The following EPS8L1 variants were observed in gnomAD, a reference collection of about 807,000 sequenced individuals.
EPS8L1 encodes the protein epidermal growth factor receptor kinase substrate 8-like protein 1.
In EPS8L1, 101 loss-of-function variants were observed where a neutral mutation model predicts 91.7. That is an observed-to-expected ratio of 1.10 (90% CI 0.94 to 1.30). EPS8L1 has a LOEUF of 1.30. Among genes scored for constraint, EPS8L1 ranks in the 50% most tolerant of loss-of-function variants. EPS8L1 has a pLI of 0.00. For synonymous variants in EPS8L1, 506 were observed against 445.3 expected, an observed-to-expected ratio of 1.14 and a Z score of -1.72; for missense variants, 1,114 against 1,017.0, an observed-to-expected ratio of 1.10 and a Z score of -1.30.
At chr19:55,086,950 G>T in intron 18 of EPS8L1, 62 bp downstream of exon 18, 1 of 1,399,234 alleles carries the variant, frequency 7.1e-7, no homozygotes, top group Non-Finnish European at 9.2e-7. Context: ...GGAGCGTTCC[G>T]ATCGGCCGGG....
intron 2 of EPS8L1, among the ~76,000 whole-genome samples, chr19:55,077,655 C>A (rs531929996): frequency 6.8e-5 from 9 of 131,632 alleles, no homozygotes; most frequent in Non-Finnish European, 1.4e-4. Flanking sequence ...GTGGCACGAT[C>A]TGGACTCACT....
At chr19:55,076,517 C>T (rs1477381710) in intron 2 of EPS8L1, 56 bp downstream of exon 2, 1 of 1,587,532 alleles carries the variant, frequency 6.3e-7, no homozygotes, top group African/African-American at 1.3e-5. Flanking sequence ...CCTCCCCTCG[C>T]CTCCTCACCC....
chr19:55,087,874 T>A lies in EPS8L1; in HGVS notation c.*260T>A. 2.0e-6 allele frequency: 1 copy of A among 511,114 alleles called. No homozygotes were observed. 31.7% of individuals were successfully genotyped at this position (511,114 alleles called of 1,614,324 possible). The stretch of plus-strand genomic sequence containing the variant: ...CCCCCGAGAGGGTGCAGTGGAGCCC[T>A]GAGCATTGTAATATGCGGCCCAGCC... On this transcript the variant is annotated 3_prime_UTR_variant, in exon 20 of 20. Coordinates refer to ENST00000201647, the MANE Select transcript of EPS8L1 (RefSeq NM_133180.3).
At position 55,083,385 on chromosome 19, in the gene EPS8L1, C is replaced by T. The variant is rs138084286; in HGVS notation, c.1222C>T (p.Leu408=). 5.6e-6 allele frequency: 9 copies of T among 1,612,762 alleles called. No homozygotes were observed. The highest frequency in any genetic ancestry group is 7.6e-6 in the Non-Finnish European group (9 of 1,179,768). Residue 408 remains leucine (L), a synonymous_variant, in exon 13 of 20, where the codon CTG becomes TTG. Transcript: ENST00000201647. The surrounding 1 kb of genome is among the most constrained non-coding windows in gnomAD (Gnocchi z 4.7). ...CCCTGTCCCTGGCCGCAGGCTGGAGCTGTCCCCGGAGGAGGGACCCCCATA... is the reference window on the plus strand; with the variant it reads ...CCCTGTCCCTGGCCGCAGGCTGGAGTTGTCCCCGGAGGAGGGACCCCCATA... ...GDSWTRPGLE[L]SPEEGPPYRP...
In EPS8L1 at chr19:55,081,866, C is replaced by T. The variant is rs2076271754; in HGVS notation, c.868C>T (p.Arg290Cys). The T allele has an allele frequency of 6.2e-7, 1 of 1,608,832 alleles. No homozygotes were observed. The highest frequency in any genetic ancestry group is 8.5e-7 in the Non-Finnish European group (1 of 1,177,298). ...EAARVLEHRE[R>C]GRRSRRRAAG... Reference sequence around the variant, plus strand: ...GGCCAGGGTGCTGGAGCACCGGGAACGCGGCCGCAGGAGCCGGCGCCGGGC... The same window carrying T: ...GGCCAGGGTGCTGGAGCACCGGGAATGCGGCCGCAGGAGCCGGCGCCGGGC... The change falls in exon 9 of 20, where the codon CGC (arginine) becomes TGC (cysteine). Residue 290 changes from arginine (R) to cysteine (C), a missense_variant. Arg to Cys is a radical substitution (Grantham distance 180). Transcript: ENST00000201647. This position sits in a 1 kb window ranked among gnomAD's most constrained non-coding sequence, Gnocchi z 4.9.
At chr19:55,079,407 G>C (rs1408166165) in intron 4 of EPS8L1, among the ~76,000 whole-genome samples, 1 of 152,148 alleles carries the variant, frequency 6.6e-6, no homozygotes, top group Admixed American at 6.5e-5. Context: ...CATGGCAGGA[G>C]ACCCGAGGAG....
At position 55,081,573 on chromosome 19, in the gene EPS8L1, G is replaced by T; in HGVS notation, c.774+81G>T. The stretch of plus-strand genomic sequence containing the variant: ...AGGGCGTGGAAGGGCGGGGCCGGCT[G>T]CGGGACGGGCGTTCTCTGGTCAGAC... On this transcript the variant is annotated intron_variant, in intron 8 of 19. Coordinates refer to ENST00000201647, the MANE Select transcript of EPS8L1 (RefSeq NM_133180.3). This position sits in a 1 kb window ranked among gnomAD's most constrained non-coding sequence, Gnocchi z 4.9. The T allele has an allele frequency of 3.4e-6, 5 of 1,458,174 alleles. No homozygotes were observed. Among genetic ancestry groups the T allele is most frequent in the South Asian group, 1.4e-5 (1 of 70,706 alleles). 90.3% of individuals were successfully genotyped at this position (1,458,174 alleles called of 1,614,324 possible).
Position 55,079,226 on chromosome 19 carries a change from C to T in EPS8L1, c.117+169C>T, listed in dbSNP as rs1654474. On this transcript the variant is annotated intron_variant, in intron 4 of 19. Transcript: ENST00000201647. ...CCTCACCTCAGTCATGGATATGAAG[C>T]CAGGGGCCTCGGGTCCACTTAATCT... is the stretch of plus-strand genomic sequence containing the variant. 0.25 allele frequency among the ~76,000 whole-genome samples: 38,265 copies of T among 151,962 alleles called. 5,185 individuals are homozygous for T. The highest frequency in any genetic ancestry group is 0.33 in the African/African-American group (13,697 of 41,390).
rs1196824171 is a variant in EPS8L1, at chr19:55,086,698, G to A, written c.1778-16G>A. ...CCTGAGCCCGCACTCCCTACCTCCC[G>A]GTTTCCCGCCTGCAGAGAAATTCTC... On this transcript the variant is annotated splice_polypyrimidine_tract_variant and intron_variant, in intron 17 of 19. Transcript: ENST00000201647. The A allele has an allele frequency of 1.5e-6, 2 of 1,341,632 alleles. No individual in the cohort carries two copies. The highest frequency in any genetic ancestry group is 1.2e-5 in the South Asian group (1 of 86,188). The allele number at this position is 1,341,632 out of a possible 1,614,324, so 83.1% of individuals were successfully genotyped here.
In EPS8L1 at chr19:55,083,632, T is replaced by G. The variant is rs777278984; in HGVS notation, c.1373T>G (p.Val458Gly). ...TTCCTACAGCAAAGCGCCCCCCAGG[T>G]CGCTGTCAATGGGTGAGTGTCCGCC... ...RRRRQQSAPQ[V>G]AVNGHRDLEP... The change falls in exon 14 of 20, where the codon GTC becomes GGC. Residue 458 changes from valine (V) to glycine (G), a missense_variant. By Grantham distance (109) the Val-to-Gly change is moderately radical. Transcript: ENST00000201647. The surrounding 1 kb of genome is among the most constrained non-coding windows in gnomAD (Gnocchi z 4.7). 1.9e-6 allele frequency: 3 copies of G among 1,594,700 alleles called. No individual in the cohort carries two copies. The highest frequency in any genetic ancestry group is 1.1e-5 in the South Asian group (1 of 88,464).
rs762634045 is a variant in EPS8L1 at position 55,087,261 on chromosome 19, TCCGC to T, written c.1953-40_1953-37del. On this transcript the variant is annotated intron_variant, in intron 18 of 19. Coordinates refer to ENST00000201647, the MANE Select transcript of EPS8L1 (RefSeq NM_133180.3). ...TGACATGATTGTCCGGGCTGGGGCATCCGCCGACCGGCCTGACCGCGCCCGGGCT... is the reference window on the plus strand; with the variant it reads ...TGACATGATTGTCCGGGCTGGGGCATCGACCGGCCTGACCGCGCCCGGGCT... 1.2e-5 allele frequency: 18 copies of T among 1,556,850 alleles called. No homozygotes were observed. The African/African-American group carries it at 2.5e-4, about 21-fold the overall frequency.
At chr19:55,086,689 C>T in intron 17 of EPS8L1, 25 bp from the exon 18 acceptor site, 1 of 1,605,948 alleles carries the variant, frequency 6.2e-7, no homozygotes, top group Non-Finnish European at 8.5e-7. Flanking sequence ...CCCGCACTCC[C>T]TACCTCCCGG....
intron 5 of EPS8L1, 49 bp downstream of exon 5, chr19:55,079,900 G>A: frequency 1.3e-6 from 2 of 1,550,876 alleles, no homozygotes; most frequent in Non-Finnish European, 1.7e-6. Context: ...AGGGACTTCA[G>A]GGGGTCTGGG....
chr19:55,080,481 G>A (rs750090993), intron 6 of EPS8L1: 13 of 1,613,624 alleles, frequency 8.1e-6, no homozygotes, highest in South Asian at 2.2e-5. Context: ...GAACATGAAG[G>A]TGGGATGAGG....
rs1223384641 is a variant in EPS8L1, at chr19:55,083,302, T to C, written c.1215-76T>C. Reference sequence around the variant, plus strand: ...ATACAGCGAGCTTTAGGGGAAAACTTAGTGAAGTTAATGCAGGAACGAAGT... The same window carrying C: ...ATACAGCGAGCTTTAGGGGAAAACTCAGTGAAGTTAATGCAGGAACGAAGT... On this transcript the variant is annotated intron_variant, in intron 12 of 19. Transcript: ENST00000201647. The surrounding 1 kb of genome is among the most constrained non-coding windows in gnomAD (Gnocchi z 4.7). 6.4e-7 allele frequency: 1 copy of C among 1,553,948 alleles called. No individual in the cohort carries two copies. The highest frequency in any genetic ancestry group is 8.7e-7 in the Non-Finnish European group (1 of 1,146,692).
intron 19 of EPS8L1, 23 bp from the exon 20 acceptor site, chr19:55,087,505 G>A: frequency 1.2e-6 from 2 of 1,614,212 alleles, no homozygotes; most frequent in Non-Finnish European, 1.7e-6. Context: ...CCAGGACAAA[G>A]CGATTTCCAC....
intron 6 of EPS8L1, chr19:55,080,491 G>A: frequency 6.2e-7 from 1 of 1,613,774 alleles, no homozygotes; most frequent in Non-Finnish European, 8.5e-7. Context: ...GTGGGATGAG[G>A]ACATGAACAG....
intron 18 of EPS8L1, 155 bp from the exon 19 acceptor site, chr19:55,087,148 G>T: frequency 8.1e-7 from 1 of 1,241,824 alleles, no homozygotes; most frequent in East Asian, 2.6e-5. Flanking sequence ...TGGCAACATT[G>T]TGATTGGTGG....
chr19:55,085,814 A>G (rs376978345), intron 14 of EPS8L1, 27 bp from the exon 15 acceptor site: 6 of 1,601,508 alleles, frequency 3.7e-6, no homozygotes, highest in Non-Finnish European at 5.1e-6. Flanking sequence ...CTGCCTCCTT[A>G]TCTCCAACCC....
Sources: gnomAD v4.1 joint callset for allele counts (sites outside exome capture counted in the v4.1 genomes callset) on GRCh38, gnomAD v4.1.1 for gene constraint, Gnocchi (gnomAD v3.1) non-coding constraint, MANE v1.5 for transcripts, NCBI Gene and HGNC (gene_info 2026-07-23, HGNC 2026-07-21) for gene names.